Variants in CCSER2 observed in about 807,000 individuals in gnomAD.
The protein encoded by CCSER2 is serine-rich coiled-coil domain-containing protein 2.
Under a neutral mutation model 92.3 loss-of-function variants are expected in CCSER2, and 46 were observed. The observed-to-expected ratio is 0.50, with a 90% CI of 0.39 to 0.64. The LOEUF (loss-of-function observed/expected upper bound fraction) is 0.64. Ranked by LOEUF, CCSER2 falls within the 30% of genes least tolerant of loss-of-function variation. The pLI is 0.00. For synonymous variants in CCSER2, 433 were observed against 431.4 expected, an observed-to-expected ratio of 1.00 and a Z score of -0.04; for missense variants, 1,244 against 1,238.9, an observed-to-expected ratio of 1.00 and a Z score of -0.06.
intron 5 of CCSER2, among the ~76,000 whole-genome samples, chr10:84,431,410 T>C (rs528394425): frequency 1.6e-4 from 25 of 152,000 alleles, no homozygotes; most frequent in African/African-American, 3.9e-4. Context: ...AAAATACATG[T>C]AAGGTTCCTC....
chr10:84,515,108 A>G lies in CCSER2; in HGVS notation c.*841A>G, dbSNP rs1176716350. The G allele has an allele frequency of 6.6e-6, 1 of 152,566 alleles. No individual in the cohort carries two copies. The highest frequency in any genetic ancestry group is 1.5e-5 in the Non-Finnish European group (1 of 68,022). The allele number at this position is 152,566 out of a possible 1,614,324, so 9.5% of individuals were successfully genotyped here. ...TGTTGGTGCTAGAGTTTTGCTGGTA[A>G]TTCAGGCTTGAACCCTTAGGCTTGT... On this transcript the variant is annotated 3_prime_UTR_variant, in exon 10 of 10. Transcript: ENST00000372088.
At chr10:84,404,410 A>G (rs1842273163) in intron 3 of CCSER2, among the ~76,000 whole-genome samples, 1 of 152,176 alleles carries the variant, frequency 6.6e-6, no homozygotes, top group South Asian at 2.1e-4. Flanking sequence ...GTTGTTTAAT[A>G]TTGGACAGGA....
intron 1 of CCSER2, among the ~76,000 whole-genome samples, chr10:84,339,053 T>G (rs1211419909): frequency 1.3e-5 from 2 of 150,712 alleles, no homozygotes; most frequent in Non-Finnish European, 3.0e-5. Flanking sequence ...CTGTTTTTGC[T>G]AAAAAAAAAT....
chr10:84,496,756 C>T (rs1848476293), intron 9 of CCSER2, among the ~76,000 whole-genome samples: 1 of 151,990 alleles, frequency 6.6e-6, no homozygotes, highest in Admixed American at 6.6e-5. Context: ...TGTTCCTTGT[C>T]ATTTCCAGGG....
At position 84,514,449 on chromosome 10, in the gene CCSER2, G is replaced by T. The variant is rs898447495; in HGVS notation, c.*182G>T. 11 of 572,506 alleles carry T rather than the reference G, an allele frequency of 1.9e-5. No individual in the cohort carries two copies. The highest frequency in any genetic ancestry group is 1.0e-4 in the Admixed American group (3 of 29,302). The allele number at this position is 572,506 out of a possible 1,614,324, so 35.5% of individuals were successfully genotyped here. Reference sequence around the variant, plus strand: ...ATTTTATATCCTGGTTGAAGTACATGCCATTTGAGCATAATTATCTCAGGT... The same window carrying T: ...ATTTTATATCCTGGTTGAAGTACATTCCATTTGAGCATAATTATCTCAGGT... On this transcript the variant is annotated 3_prime_UTR_variant, in exon 10 of 10. Coordinates refer to ENST00000372088, the MANE Select transcript of CCSER2 (RefSeq NM_001284240.2).
In CCSER2 at chr10:84,436,111, C is replaced by T. The variant is rs909063671; in HGVS notation, c.1869-2401C>T. Among the ~76,000 whole-genome samples the T allele has an allele frequency of 2.0e-5, 3 of 151,742 alleles. No individual in the cohort carries two copies. The South Asian group carries it at 6.2e-4, about 32-fold the overall frequency. On this transcript the variant is annotated intron_variant, in intron 5 of 9. Transcript: ENST00000372088. Reference sequence around the variant, plus strand: ...TTGGGAGGGCGAGGCGGGCGAATCACGAGGTCAGGAGATCGAGACCACCCT... The same window carrying T: ...TTGGGAGGGCGAGGCGGGCGAATCATGAGGTCAGGAGATCGAGACCACCCT...
intron 9 of CCSER2, among the ~76,000 whole-genome samples, chr10:84,506,922 A>G (rs555244178): frequency 6.6e-6 from 1 of 152,268 alleles, no homozygotes; most frequent in South Asian, 2.1e-4. Context: ...TTGGGACTAA[A>G]ACTTTTTAGG....
chr10:84,420,932 CA>C (rs59244448), intron 4 of CCSER2, among the ~76,000 whole-genome samples: 322 of 84,754 alleles, frequency 3.8e-3, no homozygotes, highest in Non-Finnish European at 3.9e-3. Flanking sequence ...GACTCCATCT[CA>C]AAAAAAAAAA....
chr10:84,504,111 C>T (rs938208584), intron 9 of CCSER2, among the ~76,000 whole-genome samples: 2 of 152,164 alleles, frequency 1.3e-5, no homozygotes, highest in Admixed American at 6.5e-5. Flanking sequence ...ATTTGATCCT[C>T]TCATATTTTT....
chr10:84,355,537 T>C (rs2133089928), intron 1 of CCSER2, among the ~76,000 whole-genome samples: 1 of 152,348 alleles, frequency 6.6e-6, no homozygotes, highest in East Asian at 1.9e-4. Context: ...CTACCCCATA[T>C]ACTCTGCTCT....
chr10:84,333,852 A>G (rs1843698772), intron 1 of CCSER2, among the ~76,000 whole-genome samples: 1 of 152,308 alleles, frequency 6.6e-6, no homozygotes, highest in East Asian at 1.9e-4. Flanking sequence ...ACTTTGTTAT[A>G]TTTCTTTCAC....
At chr10:84,400,292 C>G (rs1381480271) in intron 3 of CCSER2, among the ~76,000 whole-genome samples, 2 of 152,142 alleles carry the variant, frequency 1.3e-5, no homozygotes, top group African/African-American at 4.8e-5. Flanking sequence ...AATTCATTAC[C>G]AGTCCAAAGT....
chr10:84,512,213 C>T (rs948132449), intron 9 of CCSER2, among the ~76,000 whole-genome samples: 1 of 152,028 alleles, frequency 6.6e-6, no homozygotes, highest in Non-Finnish European at 1.5e-5. Flanking sequence ...TAAATAGATC[C>T]GCCCCTTCTA....
chr10:84,506,066 G>A (rs941208942), intron 9 of CCSER2, among the ~76,000 whole-genome samples: 7 of 150,032 alleles, frequency 4.7e-5, no homozygotes, highest in South Asian at 4.2e-4. Context: ...ATAGACCCAC[G>A]AAATTAATCA....
At chr10:84,366,717 T>C (rs17096181) in intron 1 of CCSER2, among the ~76,000 whole-genome samples, 31,948 of 152,158 alleles carry the variant, frequency 0.21, 3,606 homozygotes, top group Admixed American at 0.34. Flanking sequence ...TAAGGTAGAA[T>C]CAAATAGAGT....
At position 84,484,564 on chromosome 10, in the gene CCSER2, ATTAC is replaced by A. The variant is rs963947711; in HGVS notation, c.2325+6904_2325+6907del. ...CTAAGGCCTTTTATTTGTATTCACTATTACTTATATTTTTAAATGCCACTAAAAG... is the reference window on the plus strand; with the variant it reads ...CTAAGGCCTTTTATTTGTATTCACTATTATATTTTTAAATGCCACTAAAAG... On this transcript the variant is annotated intron_variant, in intron 9 of 9. Transcript: ENST00000372088. Among the ~76,000 whole-genome samples the A allele has an allele frequency of 3.3e-5, 5 of 151,806 alleles. No homozygotes were observed. In the East Asian group the frequency reaches 5.8e-4, roughly 18 times the overall value.
chr10:84,380,992 G>A (rs1840876298), intron 3 of CCSER2, among the ~76,000 whole-genome samples: 1 of 152,112 alleles, frequency 6.6e-6, no homozygotes, highest in African/African-American at 2.4e-5. Context: ...GAGCCACCAT[G>A]CCCAGCCTCT....
intron 1 of CCSER2, among the ~76,000 whole-genome samples, chr10:84,356,052 A>C (rs148133415): frequency 5.9e-5 from 9 of 151,280 alleles, no homozygotes; most frequent in East Asian, 3.9e-4. Flanking sequence ...GCAGTGAGCC[A>C]AGATCATGCC....
intron 9 of CCSER2, among the ~76,000 whole-genome samples, chr10:84,483,803 T>C (rs1847599824): frequency 6.8e-6 from 1 of 147,910 alleles, no homozygotes; most frequent in African/African-American, 2.5e-5. Context: ...TTTTTTTTTT[T>C]TGAGATGGAA....
Sources: gnomAD v4.1 joint callset for allele counts (sites outside exome capture counted in the v4.1 genomes callset) on GRCh38, gnomAD v4.1.1 for gene constraint, MANE v1.5 for transcripts, NCBI Gene and HGNC (gene_info 2026-07-23, HGNC 2026-07-21) for gene names.